ZNF664: variants seen among roughly 807,000 people sequenced by gnomAD.
The protein encoded by ZNF664 is zinc finger protein 664.
ZNF664 carries 10 observed loss-of-function variants against 18.2 expected under a neutral mutation model. The ratio of observed to expected loss-of-function variants is 0.55; its 90% CI spans 0.34 to 0.93. ZNF664 has a LOEUF of 0.93. ZNF664 is among the 40% of genes least tolerant of loss of function. ZNF664 has a pLI of 0.02. For missense variants in ZNF664, 193 were observed against 319.0 expected (o/e 0.61, Z 3.01); for synonymous variants, 119 against 104.2 (o/e 1.14, Z -0.86).
rs1957152641 is a variant in ZNF664, at chr12:124,013,175, C to G, written c.*245C>G. ...AGGTCCCAGTCACAGACGTCGCTTC[C>G]TGGGATTCCAGCACGATGCCTCCAT... On this transcript the variant is annotated 3_prime_UTR_variant, in exon 5 of 5. Transcript: ENST00000337815. 1.8e-6 allele frequency: 1 copy of G among 560,410 alleles called. No homozygotes were observed. Among genetic ancestry groups the G allele is most frequent in the South Asian group, 2.3e-5 (1 of 43,086 alleles). 34.7% of individuals were successfully genotyped at this position (560,410 alleles called of 1,614,324 possible).
At chr12:123,988,191 G>T in intron 3 of ZNF664, 53 bp downstream of exon 3, 1 of 1,230,102 alleles carries the variant, frequency 8.1e-7, no homozygotes, top group Non-Finnish European at 1.0e-6. Flanking sequence ...TCCCCCTTGA[G>T]TATTTTAAGC....
At position 123,984,208 on chromosome 12, in the gene ZNF664, G is replaced by A. The variant is rs141223290; in HGVS notation, c.-756-3835G>A. Among the ~76,000 whole-genome samples the A allele has an allele frequency of 1.3e-3, 201 of 152,310 alleles. 5 individuals carry two copies. In the East Asian group the frequency reaches 0.036, roughly 27 times the overall value. On this transcript the variant is annotated intron_variant, in intron 2 of 4. Coordinates refer to ENST00000337815, the MANE Select transcript of ZNF664 (RefSeq NM_152437.3). ...AATGAACTAGTGTTTACAAGAGCTT[G>A]CCCGGCCAACTGATAATACTGGGTT...
At chr12:123,993,515 C>G (rs1956911842) in intron 3 of ZNF664, among the ~76,000 whole-genome samples, 1 of 152,052 alleles carries the variant, frequency 6.6e-6, no homozygotes, top group African/African-American at 2.4e-5. Context: ...CTTCCTATAC[C>G]AAGTTATATG....
chr12:124,004,615 A>C lies in ZNF664; in HGVS notation c.-660-6766A>C, dbSNP rs11057413. Among the ~76,000 whole-genome samples the C allele has an allele frequency of 2.5e-3, 374 of 152,200 alleles. 1 individual carries two copies. Among genetic ancestry groups the C allele is most frequent in the Non-Finnish European group, 4.4e-3 (297 of 67,992 alleles). The stretch of plus-strand genomic sequence containing the variant: ...AACCTGTGGGCCACAGATGGGTACC[A>C]GTCCATGGCCTGTTAGGAACCAAGG... On this transcript the variant is annotated intron_variant, in intron 3 of 4. Transcript: ENST00000337815.
intron 3 of ZNF664, among the ~76,000 whole-genome samples, chr12:123,996,520 C>T (rs1424195519): frequency 6.6e-6 from 1 of 152,102 alleles, no homozygotes; most frequent in Admixed American, 6.5e-5. Context: ...AGCTTCATGG[C>T]CTCAGGAAGG....
intron 2 of ZNF664, chr12:123,974,672 TCTAG>T (rs1956663254): frequency 2.0e-5 from 3 of 152,376 alleles, no homozygotes; most frequent in East Asian, 3.9e-4. Context: ...TGTTTATCCT[TCTAG>T]ATCTTTTGGA....
At chr12:123,995,291 G>T (rs1379962452) in intron 3 of ZNF664, among the ~76,000 whole-genome samples, 2 of 152,234 alleles carry the variant, frequency 1.3e-5, no homozygotes, top group African/African-American at 4.8e-5. Flanking sequence ...GTGTGAGGCC[G>T]ATCAGGCACT....
chr12:123,994,418 G>A (rs963747722), intron 3 of ZNF664, among the ~76,000 whole-genome samples: 4 of 152,110 alleles, frequency 2.6e-5, no homozygotes, highest in African/African-American at 9.7e-5. Context: ...CTCATTACAT[G>A]CTAACATAAA....
chr12:123,990,678 C>G (rs1017406332), intron 3 of ZNF664, among the ~76,000 whole-genome samples: 5 of 152,182 alleles, frequency 3.3e-5, no homozygotes, highest in African/African-American at 1.2e-4. Context: ...TGTTCCCTCC[C>G]CCAGCTAGTT....
At chr12:123,992,474 C>G (rs905589021) in intron 3 of ZNF664, among the ~76,000 whole-genome samples, 2 of 152,174 alleles carry the variant, frequency 1.3e-5, no homozygotes, top group Non-Finnish European at 1.5e-5. Context: ...TTGGAGAATC[C>G]TGCTCAGAGT....
chr12:124,008,603 A>C (rs1189030475), intron 3 of ZNF664, among the ~76,000 whole-genome samples: 2 of 152,208 alleles, frequency 1.3e-5, no homozygotes, highest in Admixed American at 1.3e-4. Context: ...TTTAATTACC[A>C]ATTTTTAGGG....
At chr12:123,986,485 C>A (rs1296235358) in intron 2 of ZNF664, among the ~76,000 whole-genome samples, 1 of 152,198 alleles carries the variant, frequency 6.6e-6, no homozygotes, top group African/African-American at 2.4e-5. Context: ...GATTCTACTT[C>A]CTCATGAGTT....
intron 3 of ZNF664, among the ~76,000 whole-genome samples, chr12:123,990,763 G>A (rs1594554549): frequency 6.6e-6 from 1 of 152,350 alleles, no homozygotes; most frequent in South Asian, 2.1e-4. Context: ...GACAAATCCA[G>A]TAGTCAGCCA....
Position 123,991,612 on chromosome 12 carries a change from C to T in ZNF664, c.-661+3474C>T, listed in dbSNP as rs1023555951. On this transcript the variant is annotated intron_variant, in intron 3 of 4. Coordinates refer to ENST00000337815, the MANE Select transcript of ZNF664 (RefSeq NM_152437.3). The stretch of plus-strand genomic sequence containing the variant: ...TGATAGGTACTTTCATGTTTATTAT[C>T]TTTAATTACCGCAGCAAAGTATTGT... Among the ~76,000 whole-genome samples, 18 of 152,212 alleles carry T rather than the reference C, an allele frequency of 1.2e-4. 1 individual carries two copies. The highest frequency in any genetic ancestry group is 9.8e-4 in the Admixed American group (15 of 15,288).
chr12:123,981,836 A>G (rs1307971237), intron 2 of ZNF664, among the ~76,000 whole-genome samples: 2 of 152,234 alleles, frequency 1.3e-5, no homozygotes, highest in Admixed American at 6.5e-5. Context: ...TGGTATTAAA[A>G]TCAATATTTC....
rs979541389 is a variant in ZNF664, at chr12:124,011,539, A to G, written c.-599-7A>G. Reference sequence around the variant, plus strand: ...TTTCAATTTATTTATTTATGTTTCTATTACAGGAGACGGCATGATACCCAT... The same window carrying G: ...TTTCAATTTATTTATTTATGTTTCTGTTACAGGAGACGGCATGATACCCAT... On this transcript the variant is annotated splice_polypyrimidine_tract_variant and splice_region_variant and intron_variant, in intron 4 of 4. Coordinates refer to ENST00000337815, the MANE Select transcript of ZNF664 (RefSeq NM_152437.3). The G allele has an allele frequency of 3.7e-6, 3 of 800,372 alleles. No homozygotes were observed. The highest frequency in any genetic ancestry group is 3.8e-5 in the African/African-American group (2 of 53,100). The allele number at this position is 800,372 out of a possible 1,614,324, so 49.6% of individuals were successfully genotyped here. A position where few individuals can be genotyped will look rare whatever the true frequency, so the allele number is the denominator to read the frequency against.
intron 1 of ZNF664, 21 bp from the exon 2 acceptor site, chr12:123,973,865 G>A (rs1425496858): frequency 9.7e-6 from 12 of 1,231,758 alleles, no homozygotes; most frequent in African/African-American, 1.6e-5. Context: ...CCGGCTGCAT[G>A]GGGTGCTGTG....
At chr12:123,999,094 C>A (rs768384460) in intron 3 of ZNF664, among the ~76,000 whole-genome samples, 6 of 152,176 alleles carry the variant, frequency 3.9e-5, no homozygotes, top group Non-Finnish European at 7.3e-5. Flanking sequence ...TGAGCCAGGG[C>A]CCTTTGATTA....
In ZNF664 at chr12:124,014,061, TGGA is replaced by T. The variant is rs891485096; in HGVS notation, c.*1133_*1135del. ...GAGACAGACAAGGTCCCTACTCTTG[TGGA>T]GTTTACTTCTGGTGGAGGAGACAGA... is the stretch of plus-strand genomic sequence containing the variant. On this transcript the variant is annotated 3_prime_UTR_variant, in exon 5 of 5. Coordinates refer to ENST00000337815, the MANE Select transcript of ZNF664 (RefSeq NM_152437.3). 1.2e-5 allele frequency: 2 copies of T among 167,074 alleles called. No homozygotes were observed. The highest frequency in any genetic ancestry group is 4.8e-5 in the African/African-American group (2 of 41,432). 10.3% of individuals were successfully genotyped at this position (167,074 alleles called of 1,614,324 possible).
Sources: gnomAD v4.1 joint callset for allele counts (sites outside exome capture counted in the v4.1 genomes callset) on GRCh38, gnomAD v4.1.1 for gene constraint, MANE v1.5 for transcripts, NCBI Gene and HGNC (gene_info 2026-07-23, HGNC 2026-07-21) for gene names.